The following CUX1 variants were observed in gnomAD, a reference collection of about 807,000 sequenced individuals.
The protein encoded by CUX1 is protein CASP.
Under a neutral mutation model 158.8 loss-of-function variants are expected in CUX1, and 31 were observed. That is an observed-to-expected ratio of 0.20 (90% CI 0.15 to 0.26). The LOEUF (loss-of-function observed/expected upper bound fraction) is 0.26. CUX1 is among the 10% of genes least tolerant of loss of function. The pLI is 1.00. For missense variants in CUX1, 1,589 were observed against 2,014.6 expected (o/e 0.79, Z 4.04); for synonymous variants, 879 against 862.1 (o/e 1.02, Z -0.34).
In CUX1 at chr7:102,227,571, C is replaced by T. The variant is rs781800582; in HGVS notation, c.3335C>T (p.Ser1112Leu). Residue 1112 changes from serine to leucine, a missense_variant, in exon 21 of 24, where the codon TCG becomes TTG. Coordinates refer to ENST00000292535, the MANE Select transcript of CUX1 (RefSeq NM_181552.4). ...PTTPLPLSGH[S>L]ALSIQELVAM... ...ACCCCGCTGCCTCTCTCCGGACACT[C>T]GGCCCTCAGCATCCAAGAATTAGTA... 2.5e-6 allele frequency: 4 copies of T among 1,614,034 alleles called. No individual in the cohort carries two copies. Among genetic ancestry groups the T allele is most frequent in the East Asian group, 2.2e-5 (1 of 44,894 alleles).
intron 1 of CUX1, among the ~76,000 whole-genome samples, chr7:101,854,075 ATTTG>A (rs1397703630): frequency 1.3e-5 from 2 of 151,914 alleles, no homozygotes; most frequent in African/African-American, 4.8e-5. Flanking sequence ...GGGGCTTTTC[ATTTG>A]TTCTTGCTTT....
At chr7:102,192,027 G>C (rs1794333493) in intron 12 of CUX1, among the ~76,000 whole-genome samples, 1 of 152,138 alleles carries the variant, frequency 6.6e-6, no homozygotes, top group Non-Finnish European at 1.5e-5. Context: ...CCACCACCAT[G>C]TGCACATCTG....
intron 4 of CUX1, among the ~76,000 whole-genome samples, chr7:102,073,628 A>G (rs1249446851): frequency 6.6e-6 from 1 of 152,202 alleles, no homozygotes; most frequent in East Asian, 1.9e-4. Flanking sequence ...TTCCCATAGA[A>G]AAAAGACCGT....
chr7:101,929,750 C>T (rs527524784), intron 2 of CUX1, among the ~76,000 whole-genome samples: 15 of 152,298 alleles, frequency 9.8e-5, no homozygotes, highest in African/African-American at 2.9e-4. Flanking sequence ...GCCACCCACC[C>T]ACCTACCAGG....
intron 1 of CUX1, among the ~76,000 whole-genome samples, chr7:101,906,912 G>A (rs563380450): frequency 9.9e-5 from 15 of 152,068 alleles, no homozygotes; most frequent in Admixed American, 3.3e-4. Flanking sequence ...CCCCACTCCC[G>A]GACCCCTTTT....
chr7:102,259,850 T>C (rs1465605372), downstream of CUX1, among the ~76,000 whole-genome samples: 1 of 151,092 alleles, frequency 6.6e-6, no homozygotes, highest in South Asian at 2.1e-4. Flanking sequence ...CCCAGCACTT[T>C]GGGAGGAGGT....
chr7:101,892,167 T>A (rs757230515), intron 1 of CUX1, among the ~76,000 whole-genome samples: 1 of 152,210 alleles, frequency 6.6e-6, no homozygotes, highest in African/African-American at 2.4e-5. Flanking sequence ...CTGAAGACAG[T>A]TGGACTTAAG....
chr7:101,890,432 C>T (rs1222398162), intron 1 of CUX1, among the ~76,000 whole-genome samples: 3 of 152,022 alleles, frequency 2.0e-5, no homozygotes, highest in Non-Finnish European at 2.9e-5. Context: ...CCCCCTCCAC[C>T]CCCGCCTTGG....
intron 1 of CUX1, among the ~76,000 whole-genome samples, chr7:101,860,083 C>T (rs1047173543): frequency 6.6e-6 from 1 of 151,744 alleles, no homozygotes; most frequent in Non-Finnish European, 1.5e-5. Flanking sequence ...CCCCCTTCTC[C>T]CCTCTCCTAT....
At chr7:101,997,834 G>A (rs1241430013) in intron 2 of CUX1, among the ~76,000 whole-genome samples, 1 of 151,910 alleles carries the variant, frequency 6.6e-6, no homozygotes, top group Non-Finnish European at 1.5e-5. Context: ...TCTCATCAAT[G>A]TTATCTCAGA....
chr7:102,163,886 G>A (rs1318826644), intron 9 of CUX1, among the ~76,000 whole-genome samples: 2 of 152,138 alleles, frequency 1.3e-5, no homozygotes, highest in Non-Finnish European at 2.9e-5. Context: ...AATGTTCTAC[G>A]GAGACCTGAA....
chr7:102,066,887 TAC>T (rs1270407100), intron 3 of CUX1, among the ~76,000 whole-genome samples: 1 of 152,240 alleles, frequency 6.6e-6, no homozygotes, highest in Non-Finnish European at 1.5e-5. Flanking sequence ...AGATACATGA[TAC>T]GACAGGGAAA....
Position 102,253,801 on chromosome 7 carries a change from T to G in CUX1, c.*4759T>G. 7 of 985,548 alleles carry G rather than the reference T, an allele frequency of 7.1e-6. No individual in the cohort carries two copies. Among genetic ancestry groups the G allele is most frequent in the Non-Finnish European group, 8.4e-6 (7 of 830,052 alleles). 61.1% of individuals were successfully genotyped at this position (985,548 alleles called of 1,614,324 possible). A position where few individuals can be genotyped will look rare whatever the true frequency, so the allele number is the denominator to read the frequency against. On this transcript the variant is annotated 3_prime_UTR_variant, in exon 24 of 24. Coordinates refer to ENST00000292535, the MANE Select transcript of CUX1 (RefSeq NM_181552.4). ...GGGCGAGATGTAGCAACACGGGGCA[T>G]GAGCGGTGGGCGTGCTGGGCTATTT...
At chr7:102,101,467 GCACTCA>G (rs1554486343) in intron 5 of CUX1, among the ~76,000 whole-genome samples, 2 of 152,226 alleles carry the variant, frequency 1.3e-5, no homozygotes, top group Non-Finnish European at 2.9e-5. Context: ...TGGTCCGTGA[GCACTCA>G]CCCGGGTCCA....
intron 2 of CUX1, among the ~76,000 whole-genome samples, chr7:102,002,913 A>T (rs1488051876): frequency 6.6e-6 from 1 of 151,246 alleles, no homozygotes; most frequent in African/African-American, 2.4e-5. Context: ...TTATTTATTT[A>T]TTTTTTTTGA....
chr7:101,982,116 C>CT (rs1813524090), intron 2 of CUX1, among the ~76,000 whole-genome samples: 1 of 152,260 alleles, frequency 6.6e-6, no homozygotes, highest in South Asian at 2.1e-4. Flanking sequence ...GAGTTTCCCT[C>CT]TACCTGCATT....
intron 1 of CUX1, among the ~76,000 whole-genome samples, chr7:101,825,015 T>C (rs1176547063): frequency 1.3e-5 from 2 of 152,212 alleles, no homozygotes; most frequent in Non-Finnish European, 2.9e-5. Context: ...CTTGAACCCA[T>C]GCAGTCCTGG....
intron 8 of CUX1, among the ~76,000 whole-genome samples, chr7:102,135,462 G>A (rs1833798190): frequency 6.6e-6 from 1 of 151,936 alleles, no homozygotes; most frequent in African/African-American, 2.4e-5. Context: ...GGAGGAGGTG[G>A]GAGGGGGGCC....
At chr7:101,955,203 T>A (rs1809610557) in intron 2 of CUX1, among the ~76,000 whole-genome samples, 1 of 150,796 alleles carries the variant, frequency 6.6e-6, no homozygotes, top group African/African-American at 2.4e-5. Flanking sequence ...AGGGAGAGGA[T>A]GATTTGTGTT....
Sources: allele counts gnomAD v4.1 joint callset (sites outside exome capture counted in the v4.1 genomes callset), GRCh38; gene constraint gnomAD v4.1.1; transcripts MANE v1.5; gene names NCBI Gene and HGNC (gene_info 2026-07-23, HGNC 2026-07-21).